PPM1H: variants seen among roughly 807,000 people sequenced by gnomAD.
PPM1H encodes protein phosphatase 1H.
A neutral mutation model predicts 54.9 loss-of-function variants in PPM1H; 27 were observed. The ratio of observed to expected loss-of-function variants is 0.49; its 90% CI spans 0.36 to 0.68. The LOEUF (loss-of-function observed/expected upper bound fraction) is 0.68, where lower values mean the gene tolerates loss of function less well. Among genes scored for constraint, PPM1H ranks in the 30% least tolerant of loss-of-function variants. The probability of loss-of-function intolerance (pLI) is 0.00; values close to 1 mark genes in which losing one functional copy is unlikely to be tolerated. For synonymous variants in PPM1H, 305 were observed against 270.8 expected (o/e 1.13, Z -1.24); for missense variants, 596 against 667.8 (o/e 0.89, Z 1.19).
rs754641992 is a variant in PPM1H at position 62,934,766 on chromosome 12, G to A, written c.-30C>T. 7.4e-6 allele frequency: 11 copies of A among 1,477,506 alleles called. No homozygotes were observed. The South Asian group carries it at 1.4e-4, about 19-fold the overall frequency. The allele number at this position is 1,477,506 out of a possible 1,614,324, so 91.5% of individuals were successfully genotyped here. On this transcript the variant is annotated 5_prime_UTR_variant, in exon 1 of 10. Coordinates refer to ENST00000228705, the MANE Select transcript of PPM1H (RefSeq NM_020700.2). The surrounding 1 kb of genome is among the most constrained non-coding windows in gnomAD (Gnocchi z 4.2). ...CTCCGGCGCCCGGCTGCAGCGGTGCGAGCAGGAGGCGGCGGGGGCCGGGCA... is the reference window on the plus strand; with the variant it reads ...CTCCGGCGCCCGGCTGCAGCGGTGCAAGCAGGAGGCGGCGGGGGCCGGGCA...
intron 1 of PPM1H, among the ~76,000 whole-genome samples, chr12:62,874,368 C>T (rs1258996580): frequency 6.6e-6 from 1 of 152,150 alleles, no homozygotes; most frequent in Non-Finnish European, 1.5e-5. Flanking sequence ...GATCCAGGGA[C>T]TGCATCATGA....
intron 1 of PPM1H, among the ~76,000 whole-genome samples, chr12:62,855,871 A>G (rs535526598): frequency 6.6e-6 from 1 of 152,338 alleles, no homozygotes. Flanking sequence ...AAACAAAGGG[A>G]CATAGTTACT....
intron 1 of PPM1H, among the ~76,000 whole-genome samples, chr12:62,835,488 A>G (rs962285568): frequency 6.6e-6 from 1 of 152,204 alleles, no homozygotes; most frequent in Non-Finnish European, 1.5e-5. Flanking sequence ...CTGTCCTGCA[A>G]TGACTCAAAC....
intron 2 of PPM1H, among the ~76,000 whole-genome samples, chr12:62,802,706 A>G (rs2076778536): frequency 6.6e-6 from 1 of 151,884 alleles, no homozygotes; most frequent in African/African-American, 2.4e-5. Flanking sequence ...CAGCCTCTGG[A>G]GTAGCTGGGA....
intron 9 of PPM1H, among the ~76,000 whole-genome samples, chr12:62,661,065 T>G (rs1233185722): frequency 1.3e-5 from 2 of 152,134 alleles, no homozygotes; most frequent in African/African-American, 4.8e-5. Flanking sequence ...TCACACCTCA[T>G]CTGTTGACAT....
Position 62,646,990 on chromosome 12 carries a change from G to C in PPM1H, c.*1499C>G, listed in dbSNP as rs2075789293. 1 of 152,226 alleles carries C rather than the reference G, an allele frequency of 6.6e-6. No individual in the cohort carries two copies. Among genetic ancestry groups the C allele is most frequent in the Non-Finnish European group, 1.5e-5 (1 of 68,038 alleles). The allele number at this position is 152,226 out of a possible 1,614,324, so 9.4% of individuals were successfully genotyped here. ...TTTTTCCTTTTTGGGTCAGAAGAGT[G>C]TTTTAATTACTCAAAGTTGTCAAAA... On this transcript the variant is annotated 3_prime_UTR_variant, in exon 10 of 10. Coordinates refer to ENST00000228705, the MANE Select transcript of PPM1H (RefSeq NM_020700.2).
At chr12:62,721,806 A>C (rs1197594746) in intron 5 of PPM1H, among the ~76,000 whole-genome samples, 4 of 152,162 alleles carry the variant, frequency 2.6e-5, no homozygotes, top group Non-Finnish European at 5.9e-5. Context: ...TTCATAATGT[A>C]ATGTCTATTA....
intron 6 of PPM1H, among the ~76,000 whole-genome samples, chr12:62,695,478 G>A (rs764561664): frequency 5.3e-5 from 8 of 152,158 alleles, no homozygotes; most frequent in Non-Finnish European, 2.9e-5. Flanking sequence ...GCTGTTGAGT[G>A]AGCTGAGAGG....
chr12:62,922,336 C>CTTTT (rs60390481), intron 1 of PPM1H, among the ~76,000 whole-genome samples: 10,708 of 148,080 alleles, frequency 0.072, 450 homozygotes, highest in Middle Eastern at 0.1. Flanking sequence ...GATAGGATGT[C>CTTTT]TTTTTTTTTT....
At chr12:62,869,266 C>T (rs1049512166) in intron 1 of PPM1H, among the ~76,000 whole-genome samples, 1 of 152,110 alleles carries the variant, frequency 6.6e-6, no homozygotes, top group African/African-American at 2.4e-5. Flanking sequence ...TGTTTTAGTA[C>T]TCTTATTAAA....
At chr12:62,744,470 CAA>C (rs35852199) in intron 4 of PPM1H, among the ~76,000 whole-genome samples, 16 of 88,138 alleles carry the variant, frequency 1.8e-4, no homozygotes, top group Admixed American at 2.4e-4. Flanking sequence ...GACTCTGTCT[CAA>C]AAAAAAAAAA....
At chr12:62,794,991 A>G (rs1592602727) in intron 3 of PPM1H, among the ~76,000 whole-genome samples, 2 of 152,110 alleles carry the variant, frequency 1.3e-5, no homozygotes, top group South Asian at 4.1e-4. Context: ...TAGCCTTCAC[A>G]CTATGAAGGA....
chr12:62,658,212 T>TTTTTTTTA (rs768288538), intron 9 of PPM1H, among the ~76,000 whole-genome samples: 1 of 130,538 alleles, frequency 7.7e-6, no homozygotes, highest in African/African-American at 3.0e-5. Flanking sequence ...TTTTTTTTTT[T>TTTTTTTTA]AAGTAAAAAA....
intron 5 of PPM1H, among the ~76,000 whole-genome samples, chr12:62,730,568 CATTA>C (rs770909189): frequency 3.3e-5 from 5 of 152,152 alleles, no homozygotes; most frequent in Non-Finnish European, 7.3e-5. Context: ...AAAACTTATA[CATTA>C]ATTAATTTTT....
intron 4 of PPM1H, among the ~76,000 whole-genome samples, chr12:62,765,744 GGAT>G (rs1236547696): frequency 6.6e-6 from 1 of 152,204 alleles, no homozygotes; most frequent in Non-Finnish European, 1.5e-5. Flanking sequence ...GCCTGGGATG[GGAT>G]GGAGGAGTCA....
rs148521509 is a variant in PPM1H at position 62,819,544 on chromosome 12, G to T, written c.411+12570C>A. On this transcript the variant is annotated intron_variant, in intron 2 of 9. Coordinates refer to ENST00000228705, the MANE Select transcript of PPM1H (RefSeq NM_020700.2). Reference sequence around the variant, plus strand: ...ACAAAACCTAGATCCATTCAAGAGTGTTGGAGATGGAGACTAGAAAACTTC... The same window carrying T: ...ACAAAACCTAGATCCATTCAAGAGTTTTGGAGATGGAGACTAGAAAACTTC... 7.2e-5 allele frequency among the ~76,000 whole-genome samples: 11 copies of T among 152,342 alleles called. No individual in the cohort carries two copies. The East Asian group carries it at 2.1e-3, about 29-fold the overall frequency.
At chr12:62,758,928 C>T (rs947066683) in intron 4 of PPM1H, among the ~76,000 whole-genome samples, 1 of 152,156 alleles carries the variant, frequency 6.6e-6, no homozygotes, top group Non-Finnish European at 1.5e-5. Flanking sequence ...CCACCCTAAC[C>T]GATCAATGTA....
chr12:62,882,236 C>G (rs568826815), intron 1 of PPM1H, among the ~76,000 whole-genome samples: 1 of 152,288 alleles, frequency 6.6e-6, no homozygotes, highest in South Asian at 2.1e-4. Context: ...TGCCAGGTGC[C>G]CTGCTAGAGT....
At chr12:62,802,743 C>A (rs929647611) in intron 2 of PPM1H, among the ~76,000 whole-genome samples, 11 of 152,042 alleles carry the variant, frequency 7.2e-5, no homozygotes, top group African/African-American at 2.4e-4. Flanking sequence ...CCACACCAGG[C>A]TAATTTTTTT....
Sources: allele counts gnomAD v4.1 joint callset (sites outside exome capture counted in the v4.1 genomes callset), GRCh38; gene constraint gnomAD v4.1.1; non-coding constraint Gnocchi (gnomAD v3.1); transcripts MANE v1.5; gene names NCBI Gene and HGNC (gene_info 2026-07-23, HGNC 2026-07-21).